Variants in BCAR3 observed in about 807,000 individuals in gnomAD.
The protein encoded by BCAR3 is BCAR3 adaptor protein, NSP family member.
BCAR3 carries 37 observed loss-of-function variants against 80.1 expected under a neutral mutation model. That is an observed-to-expected ratio of 0.46 (90% CI 0.36 to 0.61). BCAR3 has a LOEUF of 0.61. Among genes scored for constraint, BCAR3 ranks in the 20% least tolerant of loss-of-function variants. The pLI, the probability that BCAR3 is intolerant of heterozygous loss-of-function variation, is 0.00. For missense variants in BCAR3, 978 were observed against 1,068.2 expected, an observed-to-expected ratio of 0.92 and a Z score of 1.18; for synonymous variants, 389 against 418.9, an observed-to-expected ratio of 0.93 and a Z score of 0.87.
At chr1:93,781,279 T>C (rs1465595586) in intron 2 of BCAR3, among the ~76,000 whole-genome samples, 1 of 152,246 alleles carries the variant, frequency 6.6e-6, no homozygotes, top group Non-Finnish European at 1.5e-5. Context: ...TTCTTTTGAT[T>C]TTTTTCAACC....
chr1:93,603,613 A>G (rs1418758459), intron 3 of BCAR3, among the ~76,000 whole-genome samples: 3 of 152,136 alleles, frequency 2.0e-5, no homozygotes, highest in Non-Finnish European at 2.9e-5. Flanking sequence ...ATCCATGCAC[A>G]CTTCACCCTT....
intron 2 of BCAR3, among the ~76,000 whole-genome samples, chr1:93,755,915 C>T (rs1029389765): frequency 3.9e-5 from 6 of 152,266 alleles, no homozygotes; most frequent in African/African-American, 1.4e-4. Flanking sequence ...TCTGGAGTCA[C>T]ACTGACTCCA....
At chr1:93,808,629 G>A (rs1450393271) in intron 2 of BCAR3, among the ~76,000 whole-genome samples, 2 of 152,034 alleles carry the variant, frequency 1.3e-5, no homozygotes, top group Admixed American at 6.5e-5. Flanking sequence ...GAGGAAACAA[G>A]AGAAGGAAGA....
Position 93,589,433 on chromosome 1 carries a change from A to C in BCAR3, c.487-14T>G. On this transcript the variant is annotated splice_polypyrimidine_tract_variant and intron_variant, in intron 4 of 11. Transcript: ENST00000260502. ...GTTTTCAGACACCTTTGGGACAAAA[A>C]GGTGAGTGAGGAGTAGGAAAGGCAA... 1 of 1,598,726 alleles carries C rather than the reference A, an allele frequency of 6.3e-7. No homozygotes were observed. The highest frequency in any genetic ancestry group is 8.5e-7 in the Non-Finnish European group (1 of 1,174,656).
intron 2 of BCAR3, among the ~76,000 whole-genome samples, chr1:93,773,271 A>T (rs1164210354): frequency 1.3e-5 from 2 of 152,256 alleles, no homozygotes; most frequent in African/African-American, 2.4e-5. Flanking sequence ...TGTTCAAACC[A>T]ATCATTGTGG....
At position 93,592,210 on chromosome 1, in the gene BCAR3, C is replaced by G; in HGVS notation, c.486+55G>C. 1 of 1,606,372 alleles carries G rather than the reference C, an allele frequency of 6.2e-7. No homozygotes were observed. The highest frequency in any genetic ancestry group is 8.5e-7 in the Non-Finnish European group (1 of 1,178,036). On this transcript the variant is annotated intron_variant, in intron 4 of 11. Transcript: ENST00000260502. This position sits in a 1 kb window ranked among gnomAD's most constrained non-coding sequence, Gnocchi z 4.8. ...GAGTGGGACCCTGCGGGTCATCAAT[C>G]TGTACATTGCCTGAGAGCAGCCGTG...
intron 3 of BCAR3, among the ~76,000 whole-genome samples, chr1:93,639,713 G>A (rs1172127809): frequency 6.6e-6 from 1 of 152,052 alleles, no homozygotes. Flanking sequence ...CTGACCTCGG[G>A]TGATCTGCCC....
chr1:93,605,893 T>C (rs1052800295), intron 3 of BCAR3, among the ~76,000 whole-genome samples: 2 of 152,164 alleles, frequency 1.3e-5, no homozygotes, highest in African/African-American at 4.8e-5. Context: ...GCCAAACACA[T>C]GGAGGAAAAG....
At chr1:93,579,450 G>A (rs1445376373) in intron 7 of BCAR3, among the ~76,000 whole-genome samples, 2 of 152,200 alleles carry the variant, frequency 1.3e-5, no homozygotes, top group Admixed American at 6.5e-5. Flanking sequence ...GCTAGCTCCT[G>A]CTCGCTGCCT....
At position 93,773,241 on chromosome 1, in the gene BCAR3, A is replaced by C. The variant is rs1181766782; in HGVS notation, c.-62-67099T>G. Reference sequence around the variant, plus strand: ...CACAGGGATGGCATTACAAGTCTTCAGGCAGCTGAAAGTCACAGTTGTTCA... The same window carrying C: ...CACAGGGATGGCATTACAAGTCTTCCGGCAGCTGAAAGTCACAGTTGTTCA... On this transcript the variant is annotated intron_variant, in intron 2 of 13. Coordinates refer to the BCAR3 transcript ENST00000370244. 2.6e-5 allele frequency among the ~76,000 whole-genome samples: 4 copies of C among 152,374 alleles called. No homozygotes were observed. The East Asian group carries it at 7.7e-4, about 29-fold the overall frequency.
At chr1:93,622,365 AG>A (rs1361891011) in intron 3 of BCAR3, among the ~76,000 whole-genome samples, 1 of 152,244 alleles carries the variant, frequency 6.6e-6, no homozygotes, top group East Asian at 1.9e-4. Flanking sequence ...TGGTGTGATG[AG>A]GGAAGCACGG....
intron 1 of BCAR3, 77 bp from the exon 2 acceptor site, chr1:93,675,018 T>C: frequency 8.4e-7 from 1 of 1,190,022 alleles, no homozygotes; most frequent in Non-Finnish European, 1.2e-6. Flanking sequence ...CAAAAGGAAA[T>C]GGAAATATGC....
intron 2 of BCAR3, among the ~76,000 whole-genome samples, chr1:93,788,738 T>C (rs555070307): frequency 6.6e-5 from 10 of 152,208 alleles, no homozygotes; most frequent in African/African-American, 1.9e-4. Flanking sequence ...AGATAGACCA[T>C]TGCCACTCCC....
chr1:93,730,740 TG>T (rs1371641795), intron 2 of BCAR3, among the ~76,000 whole-genome samples: 1 of 152,184 alleles, frequency 6.6e-6, no homozygotes, highest in Admixed American at 6.5e-5. Context: ...AAAACATGTC[TG>T]GGATCTCCCC....
At chr1:93,773,028 T>C (rs1304128573) in intron 2 of BCAR3, among the ~76,000 whole-genome samples, 7 of 152,206 alleles carry the variant, frequency 4.6e-5, no homozygotes, top group Non-Finnish European at 7.3e-5. Flanking sequence ...GGCACCCTGG[T>C]ATTCTGTCTC....
At chr1:93,598,085 G>A (rs746164807) in intron 3 of BCAR3, among the ~76,000 whole-genome samples, 22 of 152,326 alleles carry the variant, frequency 1.4e-4, no homozygotes, top group Non-Finnish European at 3.2e-4. Flanking sequence ...TGGGAACCTC[G>A]ATTAATGCAG....
At position 93,582,639 on chromosome 1, in the gene BCAR3, C is replaced by A. The variant is rs775164598; in HGVS notation, c.1348G>T (p.Ala450Ser). The change falls in exon 7 of 12, where the codon GCC (alanine) becomes TCC (serine). Residue 450 changes from alanine (A) to serine (S), a missense_variant. Ala to Ser is a moderately conservative substitution (Grantham distance 99). Coordinates refer to ENST00000260502, the MANE Select transcript of BCAR3 (RefSeq NM_003567.4). ...AGCAGTTCTGTGTGGCTTCCCTGGGCACATGAGGGTAGCTTTGCTCCCCTG... is the reference window on the plus strand; with the variant it reads ...AGCAGTTCTGTGTGGCTTCCCTGGGAACATGAGGGTAGCTTTGCTCCCCTG... The part of the protein sequence containing the change: ...CGRGAKLPSC[A>S]QGSHTELLTA... 6.2e-7 allele frequency: 1 copy of A among 1,614,014 alleles called. No homozygotes were observed. Among genetic ancestry groups the A allele is most frequent in the Non-Finnish European group, 8.5e-7 (1 of 1,179,992 alleles).
At chr1:93,675,706 T>C (rs1165091468) in intron 1 of BCAR3, among the ~76,000 whole-genome samples, 1 of 150,108 alleles carries the variant, frequency 6.7e-6, no homozygotes, top group Non-Finnish European at 1.5e-5. Context: ...AAAAAAATGG[T>C]GGGGGGCAAA....
intron 2 of BCAR3, among the ~76,000 whole-genome samples, chr1:93,648,538 C>T (rs754088129): frequency 7.2e-4 from 109 of 152,250 alleles, no homozygotes; most frequent in Non-Finnish European, 9.6e-4. Context: ...GAGAATTTTT[C>T]GTTAACTGGC....
Sources: gnomAD v4.1 joint callset for allele counts (sites outside exome capture counted in the v4.1 genomes callset) on GRCh38, gnomAD v4.1.1 for gene constraint, Gnocchi (gnomAD v3.1) non-coding constraint, MANE v1.5 for transcripts, NCBI Gene and HGNC (gene_info 2026-07-23, HGNC 2026-07-21) for gene names.